The following JCAD variants were observed in gnomAD, a reference collection of about 807,000 sequenced individuals.
The protein encoded by JCAD is junctional cadherin 5-associated protein.
Under a neutral mutation model 98.0 loss-of-function variants are expected in JCAD, and 40 were observed. That is an observed-to-expected ratio of 0.41 (90% CI 0.32 to 0.53). The LOEUF (loss-of-function observed/expected upper bound fraction) is 0.53. Among genes scored for constraint, JCAD ranks in the 20% least tolerant of loss-of-function variants. JCAD has a pLI of 0.31. For synonymous variants in JCAD, 691 were observed against 682.3 expected (o/e 1.01, Z -0.20); for missense variants, 1,705 against 1,738.1 (o/e 0.98, Z 0.34).
At chr10:30,059,994 A>T (rs1028531786), upstream of JCAD, among the ~76,000 whole-genome samples, 3 of 152,222 alleles carry the variant, frequency 2.0e-5, no homozygotes, top group Non-Finnish European at 4.4e-5. The surrounding 1 kb of genome is among the most constrained non-coding windows in gnomAD (Gnocchi z 5.0). Context: ...AAGTGCACAC[A>T]CACTCAAATA....
At chr10:30,047,140 T>G (rs903529118) in intron 2 of JCAD, among the ~76,000 whole-genome samples, 9 of 151,952 alleles carry the variant, frequency 5.9e-5, no homozygotes, top group Non-Finnish European at 1.2e-4. Flanking sequence ...TTGGGAGGCC[T>G]AGGCGGGCAG....
At chr10:30,097,987 C>G (rs1838403554) in intron 1 of JCAD, among the ~76,000 whole-genome samples, 1 of 152,116 alleles carries the variant, frequency 6.6e-6, no homozygotes, top group African/African-American at 2.4e-5. Flanking sequence ...ATGAGCAACC[C>G]TAATCCAGAC....
Position 30,028,675 on chromosome 10 carries a change from G to A in JCAD, c.1473C>T (p.Val491=), listed in dbSNP as rs559619163. ...IPPSGDERGL[V]LADSSPRWLW... The stretch of plus-strand genomic sequence containing the variant: ...GCCACCGGGGGCTGGAATCGGCCAA[G>A]ACCAGGCCTCTCTCATCCCCCGACG... Residue 491 remains valine, a synonymous_variant, in exon 3 of 4, where the codon GTC becomes GTT. Transcript: ENST00000375377. 28 of 1,607,334 alleles carry A rather than the reference G, an allele frequency of 1.7e-5. No individual in the cohort carries two copies. Among genetic ancestry groups the A allele is most frequent in the Non-Finnish European group, 2.1e-5 (25 of 1,176,584 alleles).
At chr10:30,049,751 G>A (rs1349548984) in intron 1 of JCAD, among the ~76,000 whole-genome samples, 2 of 152,130 alleles carry the variant, frequency 1.3e-5, no homozygotes, top group Non-Finnish European at 2.9e-5. Context: ...GATTACAGAG[G>A]AATGAGATCC....
At chr10:30,033,856 CT>C (rs1469265869) in intron 2 of JCAD, among the ~76,000 whole-genome samples, 2 of 152,184 alleles carry the variant, frequency 1.3e-5, no homozygotes, top group Non-Finnish European at 2.9e-5. Context: ...CTGGTAAAAA[CT>C]TCTATTTTTA....
intron 2 of JCAD, among the ~76,000 whole-genome samples, chr10:30,034,106 C>T (rs1837059910): frequency 6.6e-6 from 1 of 151,550 alleles, no homozygotes. Context: ...ATCTGTAATC[C>T]TAGCTACCCG....
intron 1 of JCAD, among the ~76,000 whole-genome samples, chr10:30,075,376 A>G (rs1837964747): frequency 6.6e-6 from 1 of 152,188 alleles, no homozygotes; most frequent in South Asian, 2.1e-4. Flanking sequence ...TAGGAACAAC[A>G]TGCTCTTCTC....
At chr10:30,024,720 G>A (rs1452403631) in intron 3 of JCAD, among the ~76,000 whole-genome samples, 24 of 142,990 alleles carry the variant, frequency 1.7e-4, no homozygotes, top group Non-Finnish European at 7.5e-5. Context: ...TTTTGAGACG[G>A]AGTCTTGCTC....
intron 1 of JCAD, among the ~76,000 whole-genome samples, chr10:30,090,940 C>A (rs2132695047): frequency 6.6e-6 from 1 of 152,338 alleles, no homozygotes; most frequent in South Asian, 2.1e-4. Flanking sequence ...GGGTTCATGG[C>A]TGGGCCTCCC....
intron 1 of JCAD, among the ~76,000 whole-genome samples, chr10:30,056,518 C>CTT (rs565910425): frequency 6.8e-6 from 1 of 145,996 alleles, no homozygotes; most frequent in Non-Finnish European, 1.5e-5. Context: ...AAGTTGCTTG[C>CTT]TTTTTTTTTT....
In JCAD at chr10:30,015,581, A is replaced by G. The variant is rs1836515993; in HGVS notation, c.*2302T>C. ...TATGATACAACAATTTAAGATAACA[A>G]AACAGAAGCGCATCACATTTTGGTT... On this transcript the variant is annotated 3_prime_UTR_variant, in exon 4 of 4. Transcript: ENST00000375377. 2.0e-5 allele frequency: 3 copies of G among 152,262 alleles called. No individual in the cohort carries two copies. The highest frequency in any genetic ancestry group is 2.0e-4 in the Admixed American group (3 of 15,288). The allele number at this position is 152,262 out of a possible 1,614,324, so 9.4% of individuals were successfully genotyped here.
chr10:30,080,664 T>C (rs2132682295), intron 1 of JCAD, among the ~76,000 whole-genome samples: 1 of 152,170 alleles, frequency 6.6e-6, no homozygotes, highest in Non-Finnish European at 1.5e-5. Context: ...CCCCAGTCAT[T>C]AGGACAGCCC....
intron 3 of JCAD, among the ~76,000 whole-genome samples, chr10:30,019,272 G>A (rs1288055918): frequency 2.7e-5 from 4 of 150,208 alleles, no homozygotes; most frequent in African/African-American, 4.9e-5. Flanking sequence ...CAAGAGAATC[G>A]CTTGAATCCA....
At chr10:30,033,574 A>G (rs375108974) in intron 2 of JCAD, among the ~76,000 whole-genome samples, 2 of 152,120 alleles carry the variant, frequency 1.3e-5, no homozygotes, top group East Asian at 1.9e-4. Flanking sequence ...TCACTACTTT[A>G]ATTTGCATTT....
rs372754797 is a variant in JCAD, at chr10:30,026,756, C to A, written c.3392G>T (p.Arg1131Leu). ...PESPQEELLSRPAPADVPRVS... is the reference protein window; with the variant it reads ...PESPQEELLSLPAPADVPRVS... ...CCTGGGGACATCTGCCGGTGCTGGG[C>A]GAGATAGCAACTCTTCCTGGGGGGA... Residue 1131 changes from arginine to leucine, a missense_variant, in exon 3 of 4, where the codon CGC (arginine) becomes CTC (leucine). Physicochemically the swap from Arg to Leu is moderately radical, Grantham distance 102. Coordinates refer to ENST00000375377, the MANE Select transcript of JCAD (RefSeq NM_020848.4). 4.3e-6 allele frequency: 7 copies of A among 1,614,158 alleles called. No individual in the cohort carries two copies. The highest frequency in any genetic ancestry group is 4.2e-6 in the Non-Finnish European group (5 of 1,180,026).
intron 1 of JCAD, among the ~76,000 whole-genome samples, chr10:30,092,546 C>T (rs1838302362): frequency 6.6e-6 from 1 of 152,152 alleles, no homozygotes; most frequent in African/African-American, 2.4e-5. Flanking sequence ...GAGAGAATCT[C>T]ACCACGGAGC....
At chr10:30,037,478 C>G (rs753477076) in intron 2 of JCAD, among the ~76,000 whole-genome samples, 8 of 152,162 alleles carry the variant, frequency 5.3e-5, no homozygotes, top group Non-Finnish European at 1.0e-4. Context: ...GTTGCGCTGG[C>G]AGAATGGTAA....
chr10:30,100,255 G>T lies in JCAD; in HGVS notation n.128+15112C>A, dbSNP rs529564722. On this transcript the variant is annotated intron_variant and non_coding_transcript_variant, in intron 1 of 2. Transcript: ENST00000465712. ...AAACTTTATTTATAACATAGAGAAG[G>T]GTTGATATTCTTGGTGGAAATTATG... Among the ~76,000 whole-genome samples, 22 of 152,096 alleles carry T rather than the reference G, an allele frequency of 1.4e-4. 3 individuals carry two copies. The South Asian group carries it at 4.6e-3, about 32-fold the overall frequency.
At chr10:30,032,357 G>A (rs910344917) in intron 2 of JCAD, among the ~76,000 whole-genome samples, 1 of 152,186 alleles carries the variant, frequency 6.6e-6, no homozygotes, top group South Asian at 2.1e-4. Context: ...ACTCTAGCAT[G>A]CGGGGAGAGT....
Sources: gnomAD v4.1 joint callset for allele counts (sites outside exome capture counted in the v4.1 genomes callset) on GRCh38, gnomAD v4.1.1 for gene constraint, Gnocchi (gnomAD v3.1) non-coding constraint, MANE v1.5 for transcripts, NCBI Gene and HGNC (gene_info 2026-07-23, HGNC 2026-07-21) for gene names.